CEP192: variants seen among roughly 807,000 people sequenced by gnomAD.
The protein encoded by CEP192 is centrosomal protein of 192 kDa.
Under a neutral mutation model 271.8 loss-of-function variants are expected in CEP192, and 151 were observed. The observed-to-expected ratio is 0.56, with a 90% CI of 0.49 to 0.64. The LOEUF is 0.64. CEP192 is among the 30% of genes least tolerant of loss of function. CEP192 has a pLI of 0.00. For synonymous variants in CEP192, 995 were observed against 1,076.5 expected, an observed-to-expected ratio of 0.92 and a Z score of 1.48; for missense variants, 2,910 against 3,020.5, an observed-to-expected ratio of 0.96 and a Z score of 0.86.
At chr18:13,124,377 T>C (rs1443812234) in intron 44 of CEP192, 1 of 325,806 alleles carries the variant, frequency 3.1e-6, no homozygotes, top group East Asian at 4.6e-5. Context: ...TATTTTCCTT[T>C]TTATATATTA....
intron 9 of CEP192, among the ~76,000 whole-genome samples, chr18:13,027,156 G>C (rs1294851153): frequency 6.6e-6 from 1 of 152,170 alleles, no homozygotes; most frequent in Non-Finnish European, 1.5e-5. Flanking sequence ...AGGGTGGCTA[G>C]AGGGAGCTGG....
Position 13,042,351 on chromosome 18 carries a change from G to T in CEP192, c.2067+17G>T, listed in dbSNP as rs757330915. On this transcript the variant is annotated intron_variant, in intron 15 of 44. Coordinates refer to ENST00000506447, the MANE Select transcript of CEP192 (RefSeq NM_032142.4). The stretch of plus-strand genomic sequence containing the variant: ...AAAACAGAGGTAGCTTCAGCCTTTC[G>T]TAAGGAAATCTAAGATTATCTTGTT... 6.8e-6 allele frequency: 11 copies of T among 1,612,756 alleles called. 1 individual carries two copies. Among genetic ancestry groups the T allele is most frequent in the Middle Eastern group, 1.7e-4 (1 of 6,056 alleles).
intron 5 of CEP192, 114 bp from the exon 6 acceptor site, chr18:13,015,214 C>T (rs1004800098): frequency 2.1e-6 from 2 of 947,672 alleles, no homozygotes; most frequent in South Asian, 1.9e-5. Context: ...CTGTGATTTA[C>T]AGATACTGAA....
At chr18:13,006,866 C>T (rs2034013287) in intron 3 of CEP192, among the ~76,000 whole-genome samples, 1 of 152,226 alleles carries the variant, frequency 6.6e-6, no homozygotes, top group African/African-American at 2.4e-5. Flanking sequence ...CAGGCATTTT[C>T]TGTGCCTTGA....
chr18:13,039,032 A>G (rs1484636011), intron 13 of CEP192, among the ~76,000 whole-genome samples: 1 of 152,268 alleles, frequency 6.6e-6, no homozygotes, highest in African/African-American at 2.4e-5. Flanking sequence ...TGCATGTACA[A>G]TTAAAAAGAC....
Position 13,056,449 on chromosome 18 carries a change from G to A in CEP192, c.3859G>A (p.Val1287Ile), listed in dbSNP as rs1190668758. Residue 1287 changes from valine (V) to isoleucine (I), a missense_variant, in exon 19 of 45, where the codon GTC (valine) becomes ATC (isoleucine). Transcript: ENST00000506447. ...TCAGTGCCATGCTGGCAATGCCACAGTCTGTGGCTTCTCAGGAGGCCTTCC... is the reference window on the plus strand; with the variant it reads ...TCAGTGCCATGCTGGCAATGCCACAATCTGTGGCTTCTCAGGAGGCCTTCC... The part of the protein sequence containing the change: ...LPQCHAGNAT[V>I]CGFSGGLPYP... The A allele has an allele frequency of 1.2e-6, 2 of 1,614,144 alleles. No homozygotes were observed. Among genetic ancestry groups the A allele is most frequent in the African/African-American group, 1.3e-5 (1 of 74,950 alleles).
chr18:13,030,095 C>A, intron 10 of CEP192, 93 bp downstream of exon 10: 1 of 1,032,896 alleles, frequency 9.7e-7, no homozygotes, highest in Non-Finnish European at 1.4e-6. Flanking sequence ...CCAGTCTTTC[C>A]TGTTGAAATA....
chr18:13,114,359 C>T (rs1162158953), intron 42 of CEP192, 108 bp downstream of exon 42: 3 of 1,153,806 alleles, frequency 2.6e-6, no homozygotes, highest in African/African-American at 1.6e-5. Context: ...GTTACCAGCA[C>T]TCCAACCAAG....
intron 3 of CEP192, among the ~76,000 whole-genome samples, chr18:13,003,389 C>T (rs2033769664): frequency 7.1e-6 from 1 of 141,112 alleles, no homozygotes; most frequent in South Asian, 2.2e-4. Context: ...GTGGAGGTTG[C>T]AATGAGCCGA....
intron 33 of CEP192, among the ~76,000 whole-genome samples, chr18:13,090,535 T>A (rs943881653): frequency 1.3e-5 from 2 of 152,156 alleles, no homozygotes; most frequent in Non-Finnish European, 2.9e-5. Flanking sequence ...AAATATGAAG[T>A]GATGAAAGGA....
chr18:13,037,903 G>T lies in CEP192; in HGVS notation c.1600-467G>T, dbSNP rs565066319. 3.9e-5 allele frequency among the ~76,000 whole-genome samples: 6 copies of T among 151,948 alleles called. No individual in the cohort carries two copies. In the South Asian group the frequency reaches 1.3e-3, roughly 32 times the overall value. On this transcript the variant is annotated intron_variant, in intron 12 of 44. Coordinates refer to ENST00000506447, the MANE Select transcript of CEP192 (RefSeq NM_032142.4). ...GTTTTAAAGTGAGGTAATCCTGTTT[G>T]TTTTTTTATGAAGATTCTTATTTAT...
At position 13,059,246 on chromosome 18, in the gene CEP192, C is replaced by A; in HGVS notation, c.4422C>A (p.Ile1474=). ...CATGTTCGACAGATGCTGAGACCAT[C>A]GTACAGGCAGAAGCTTTGGCCAGCA... ...SWPCSTDAET[I]VQAEALASTV... Residue 1474 remains isoleucine, a synonymous_variant, in exon 21 of 45, where the codon ATC becomes ATA. Transcript: ENST00000506447. 1 of 1,614,208 alleles carries A rather than the reference C, an allele frequency of 6.2e-7. No homozygotes were observed. Among genetic ancestry groups the A allele is most frequent in the South Asian group, 1.1e-5 (1 of 91,080 alleles).
At chr18:13,038,700 C>G (rs2036040723) in intron 13 of CEP192, 121 bp downstream of exon 13, 1 of 769,438 alleles carries the variant, frequency 1.3e-6, no homozygotes, top group Admixed American at 2.5e-5. Context: ...TGGTAAAAAA[C>G]TTAGGTTTCA....
At position 13,087,064 on chromosome 18, in the gene CEP192, C is replaced by A; in HGVS notation, c.5664C>A (p.Gly1888=). Reference sequence around the variant, plus strand: ...GAACAAGCAATCTTATTTTGGAAGGCGTTAAAAAATTATCTGACAGTTACA... The same window carrying A: ...GAACAAGCAATCTTATTTTGGAAGGAGTTAAAAAATTATCTGACAGTTACA... The part of the protein sequence containing the change: ...YGGTSNLILE[G]VKKLSDSYMV... Residue 1888 remains glycine (G), a synonymous_variant, in exon 31 of 45, where the codon GGC becomes GGA. Transcript: ENST00000506447. The A allele has an allele frequency of 6.2e-7, 1 of 1,612,370 alleles. No homozygotes were observed. Among genetic ancestry groups the A allele is most frequent in the South Asian group, 1.1e-5 (1 of 90,994 alleles).
Position 13,008,597 on chromosome 18 carries a change from C to G in CEP192, c.432C>G (p.Leu144=). 5.8e-6 allele frequency: 9 copies of G among 1,551,496 alleles called. No homozygotes were observed. The highest frequency in any genetic ancestry group is 7.8e-6 in the Non-Finnish European group (9 of 1,146,922). The stretch of plus-strand genomic sequence containing the variant: ...CAGAATCCTTGCAGGGCCAAGATCT[C>G]TTCAACAGGGCTTCACCACTGGAAC... ...GATESLQGQD[L]FNRASPLEQA... Residue 144 remains leucine (L), a synonymous_variant, in exon 4 of 45, where the codon CTC becomes CTG. Coordinates refer to ENST00000506447, the MANE Select transcript of CEP192 (RefSeq NM_032142.4).
At position 13,108,599 on chromosome 18, in the gene CEP192, G is replaced by C. The variant is rs888595239; in HGVS notation, c.7047+3520G>C. ...AAGAAATGCAAATCAAAACCGCAAT[G>C]AGATACCATCTCACAGCAGTCAGAA... On this transcript the variant is annotated intron_variant, in intron 40 of 44. Coordinates refer to ENST00000506447, the MANE Select transcript of CEP192 (RefSeq NM_032142.4). Among the ~76,000 whole-genome samples the C allele has an allele frequency of 6.6e-5, 10 of 152,300 alleles. No individual in the cohort carries two copies. In the East Asian group the frequency reaches 1.9e-3, roughly 29 times the overall value.
intron 44 of CEP192, among the ~76,000 whole-genome samples, chr18:13,122,656 T>TG (rs2040723792): frequency 2.6e-5 from 4 of 152,154 alleles, no homozygotes; most frequent in Admixed American, 2.6e-4. Context: ...GCCCTTTCCA[T>TG]GTAGATGGGG....
intron 36 of CEP192, among the ~76,000 whole-genome samples, chr18:13,098,808 C>T (rs1250797980): frequency 2.0e-5 from 3 of 152,194 alleles, no homozygotes; most frequent in Non-Finnish European, 4.4e-5. Flanking sequence ...AGTCTCGGCA[C>T]TTTGAGAGGC....
intron 30 of CEP192, among the ~76,000 whole-genome samples, chr18:13,075,304 A>G (rs1458083192): frequency 8.8e-6 from 1 of 113,250 alleles, no homozygotes; most frequent in Non-Finnish European, 1.9e-5. Context: ...CGGTGGCTCT[A>G]TGCCTGTAAT....
Sources: gnomAD v4.1 joint callset for allele counts (sites outside exome capture counted in the v4.1 genomes callset) on GRCh38, gnomAD v4.1.1 for gene constraint, MANE v1.5 for transcripts, NCBI Gene and HGNC (gene_info 2026-07-23, HGNC 2026-07-21) for gene names.